Variants in PRELID2 observed in about 807,000 individuals in gnomAD.
PRELID2 encodes the protein PRELI domain-containing protein 2.
PRELID2 carries 25 observed loss-of-function variants against 28.4 expected under a neutral mutation model. That is an observed-to-expected ratio of 0.88 (90% CI 0.64 to 1.23). The LOEUF (loss-of-function observed/expected upper bound fraction) is 1.23, where lower values mean the gene tolerates loss of function less well. Among genes scored for constraint, PRELID2 ranks in the 50% most tolerant of loss-of-function variants. The pLI, the probability that PRELID2 is intolerant of heterozygous loss-of-function variation, is 0.00. For synonymous variants in PRELID2, 76 were observed against 71.6 expected, an observed-to-expected ratio of 1.06 and a Z score of -0.31; for missense variants, 201 against 214.4, an observed-to-expected ratio of 0.94 and a Z score of 0.39.
intron 1 of PRELID2, among the ~76,000 whole-genome samples, chr5:145,589,678 A>G (rs1472765365): frequency 6.6e-6 from 1 of 152,080 alleles, no homozygotes; most frequent in African/African-American, 2.4e-5. Flanking sequence ...TTAGCTTTAT[A>G]TGCATTGCCA....
intron 1 of PRELID2, among the ~76,000 whole-genome samples, chr5:145,828,765 C>T (rs901351270): frequency 2.0e-5 from 3 of 151,774 alleles, no homozygotes; most frequent in Admixed American, 6.6e-5. Flanking sequence ...TTAATATATC[C>T]TCCTCTGTCC....
At chr5:145,464,845 T>A in the PRELID2 span, among the ~76,000 whole-genome samples, 2 of 152,174 alleles carry the variant, frequency 1.3e-5, no homozygotes, top group Non-Finnish European at 2.9e-5. Flanking sequence ...ATCTGATATA[T>A]GAAATCCATG....
the PRELID2 span, among the ~76,000 whole-genome samples, chr5:145,443,808 A>G: frequency 6.6e-6 from 1 of 152,056 alleles, no homozygotes; most frequent in African/African-American, 2.4e-5. Flanking sequence ...TAGTAAGACA[A>G]TAGCAGAGCC....
At chr5:145,237,985 G>T in the PRELID2 span, among the ~76,000 whole-genome samples, 1 of 151,966 alleles carries the variant, frequency 6.6e-6, no homozygotes, top group Non-Finnish European at 1.5e-5. Flanking sequence ...CTTACTCGAG[G>T]TTAGGCTGGA....
chr5:145,382,289 G>T, the PRELID2 span, among the ~76,000 whole-genome samples: 1 of 151,824 alleles, frequency 6.6e-6, no homozygotes, highest in Non-Finnish European at 1.5e-5. Flanking sequence ...AAGCAGTCTA[G>T]CATACATAAA....
intron 1 of PRELID2, among the ~76,000 whole-genome samples, chr5:145,747,043 G>C (rs1481715032): frequency 6.6e-6 from 1 of 152,016 alleles, no homozygotes; most frequent in East Asian, 1.9e-4. Context: ...GTGTTAAGAG[G>C]GAAATTTATA....
chr5:145,452,041 GA>G, the PRELID2 span, among the ~76,000 whole-genome samples: 3 of 152,138 alleles, frequency 2.0e-5, no homozygotes, highest in Non-Finnish European at 4.4e-5. Flanking sequence ...AGTGTCCAAT[GA>G]AATATAATAT....
At chr5:145,278,880 T>C in the PRELID2 span, among the ~76,000 whole-genome samples, 5 of 152,124 alleles carry the variant, frequency 3.3e-5, no homozygotes, top group Non-Finnish European at 5.9e-5. Context: ...GAAGATCTTC[T>C]AGAGTTGAGG....
intron 1 of PRELID2, among the ~76,000 whole-genome samples, chr5:145,587,763 A>G (rs959708462): frequency 3.9e-5 from 6 of 152,100 alleles, no homozygotes; most frequent in Admixed American, 1.3e-4. Flanking sequence ...GTAAAATATC[A>G]TTTCTATTTC....
intron 1 of PRELID2, among the ~76,000 whole-genome samples, chr5:145,724,649 T>TATATATA (rs1756091420): frequency 3.2e-5 from 2 of 62,352 alleles, no homozygotes; most frequent in African/African-American, 7.8e-5. Context: ...ATATATATAA[T>TATATATA]GCCTGTAACT....
the PRELID2 span, among the ~76,000 whole-genome samples, chr5:145,374,374 T>C: frequency 6.6e-6 from 1 of 152,166 alleles, no homozygotes; most frequent in South Asian, 2.1e-4. Context: ...GGGTTTCCCT[T>C]TGTAGGTGAC....
chr5:145,584,508 T>A lies in PRELID2; in HGVS notation n.71-111193A>T, dbSNP rs561384526. On this transcript the variant is annotated intron_variant and non_coding_transcript_variant, in intron 1 of 2. Coordinates refer to the PRELID2 transcript ENST00000510259. ...CAGAGTGAACAGACAACCTACAGCA[T>A]AGGAGAAAATTTTTGCAATCCATCC... Among the ~76,000 whole-genome samples, 5 of 152,100 alleles carry A rather than the reference T, an allele frequency of 3.3e-5. No individual in the cohort carries two copies. In the East Asian group the frequency reaches 9.7e-4, roughly 29 times the overall value.
chr5:145,529,432 C>T (rs1752637160), intron 1 of PRELID2, among the ~76,000 whole-genome samples: 2 of 152,150 alleles, frequency 1.3e-5, no homozygotes, highest in African/African-American at 4.8e-5. Flanking sequence ...TTCAATGGGC[C>T]ACAATTATGA....
the PRELID2 span, among the ~76,000 whole-genome samples, chr5:145,363,672 G>T: frequency 1.3e-5 from 2 of 151,908 alleles, no homozygotes; most frequent in African/African-American, 4.8e-5. Flanking sequence ...CAATATATTT[G>T]CCAAATTAAT....
chr5:145,640,334 G>C (rs948584304), intron 1 of PRELID2, among the ~76,000 whole-genome samples: 7 of 152,092 alleles, frequency 4.6e-5, no homozygotes, highest in African/African-American at 1.7e-4. Flanking sequence ...AAATTAGCCG[G>C]GCGTGGTGGC....
the PRELID2 span, among the ~76,000 whole-genome samples, chr5:145,365,890 T>TA: frequency 6.6e-6 from 1 of 151,882 alleles, no homozygotes; most frequent in African/African-American, 2.4e-5. Context: ...AAATAAGACA[T>TA]AAAAAATAAG....
At chr5:145,330,751 G>C in the PRELID2 span, among the ~76,000 whole-genome samples, 1 of 151,964 alleles carries the variant, frequency 6.6e-6, no homozygotes, top group East Asian at 1.9e-4. Context: ...TTTTTTGAAA[G>C]GTTTTTCGTA....
chr5:145,700,288 C>T (rs1409721662), intron 1 of PRELID2, among the ~76,000 whole-genome samples: 1 of 151,968 alleles, frequency 6.6e-6, no homozygotes, highest in African/African-American at 2.4e-5. Flanking sequence ...AACACATGAA[C>T]TACATGACCT....
chr5:145,509,517 G>A (rs1752442731), intron 1 of PRELID2, among the ~76,000 whole-genome samples: 1 of 152,122 alleles, frequency 6.6e-6, no homozygotes, highest in African/African-American at 2.4e-5. Context: ...CAGGCTGCCT[G>A]GGCCAAGACT....
Sources: gnomAD v4.1 joint callset for allele counts (sites outside exome capture counted in the v4.1 genomes callset) on GRCh38, gnomAD v4.1.1 for gene constraint, MANE v1.5 for transcripts, NCBI Gene and HGNC (gene_info 2026-07-23, HGNC 2026-07-21) for gene names.